The following FEZ1 variants were observed in gnomAD, a reference collection of about 807,000 sequenced individuals.
FEZ1 encodes fasciculation and elongation protein zeta 1.
Under a neutral mutation model 49.3 loss-of-function variants are expected in FEZ1, and 20 were observed. That is an observed-to-expected ratio of 0.41 (90% CI 0.29 to 0.59). FEZ1 has a LOEUF of 0.59. Ranked by LOEUF, FEZ1 falls within the 20% of genes least tolerant of loss-of-function variation. FEZ1 has a pLI of 0.36. For synonymous variants in FEZ1, 170 were observed against 180.9 expected (o/e 0.94, Z 0.48); for missense variants, 413 against 476.0 (o/e 0.87, Z 1.23).
intron 3 of FEZ1, among the ~76,000 whole-genome samples, chr11:125,470,543 C>T (rs2135762347): frequency 6.6e-6 from 1 of 152,340 alleles, no homozygotes; most frequent in East Asian, 1.9e-4. Flanking sequence ...GGACTTATCC[C>T]TCCTACCATA....
intron 1 of FEZ1, among the ~76,000 whole-genome samples, chr11:125,493,523 A>C (rs1027774897): frequency 8.6e-5 from 13 of 150,550 alleles, no homozygotes; most frequent in African/African-American, 2.2e-4. Context: ...AGAAAGAAAG[A>C]AAGAAAGAAA....
chr11:125,457,429 A>AAAATATATATAT (rs1164500309), intron 5 of FEZ1, among the ~76,000 whole-genome samples: 8 of 20,906 alleles, frequency 3.8e-4, no homozygotes, highest in Admixed American at 3.5e-3. Flanking sequence ...AAAAAAAAAA[A>AAAATATATATAT]ATATATATAT....
intron 3 of FEZ1, among the ~76,000 whole-genome samples, chr11:125,476,881 C>T (rs981421568): frequency 6.6e-6 from 1 of 151,886 alleles, no homozygotes; most frequent in African/African-American, 2.4e-5. Context: ...TTCACCAAAA[C>T]AAGGAACTAT....
intron 1 of FEZ1, among the ~76,000 whole-genome samples, chr11:125,493,906 A>G (rs761250662): frequency 6.6e-6 from 1 of 152,240 alleles, no homozygotes; most frequent in African/African-American, 2.4e-5. Flanking sequence ...CAATCCAACC[A>G]GAATCTAGGA....
intron 1 of FEZ1, among the ~76,000 whole-genome samples, chr11:125,493,401 A>AGAAG (rs1957408681): frequency 1.4e-5 from 1 of 69,830 alleles, no homozygotes; most frequent in Non-Finnish European, 2.6e-5. Flanking sequence ...AAAGAAAGAA[A>AGAAG]GAAAGAAAGA....
rs572614254 is a variant in FEZ1 at position 125,455,835 on chromosome 11, C to T, written c.939G>A (p.Lys313=). The change falls in exon 6 of 10, where the codon AAG becomes AAA. Residue 313 remains lysine (K), a splice_region_variant and synonymous_variant. Transcript: ENST00000278919. The part of the protein sequence containing the change: ...RIEKGNQMPL[K]RFSMEGISNI... ...GTCTTCCACCTGGTTGTTCACCTAC[C>T]TTGAGAGGCATCTGGTTTCCCTTCT... 4 of 1,614,000 alleles carry T rather than the reference C, an allele frequency of 2.5e-6. No individual in the cohort carries two copies. Among genetic ancestry groups the T allele is most frequent in the Admixed American group, 3.3e-5 (2 of 60,000 alleles).
intron 7 of FEZ1, 53 bp from the exon 8 acceptor site, chr11:125,452,462 G>T (rs1956966705): frequency 8.2e-7 from 1 of 1,217,636 alleles, no homozygotes; most frequent in Non-Finnish European, 1.2e-6. Flanking sequence ...TGCTTCCTCT[G>T]GGTTGAGATT....
At chr11:125,480,875 T>C (rs1591598348) in intron 3 of FEZ1, among the ~76,000 whole-genome samples, 1 of 151,780 alleles carries the variant, frequency 6.6e-6, no homozygotes, top group South Asian at 2.1e-4. Context: ...ACATCTCTAC[T>C]AAAAATACAA....
rs994938366 is a variant in FEZ1, at chr11:125,493,519, A to C, written c.-46+2602T>G. On this transcript the variant is annotated intron_variant, in intron 1 of 9. Coordinates refer to ENST00000278919, the MANE Select transcript of FEZ1 (RefSeq NM_005103.5). ...GAAAGAAAGAAAGAGAGAAAGAAAG[A>C]AAGAAAGAAAGAAAGAAAGAAAGAA... Among the ~76,000 whole-genome samples, 62 of 149,858 alleles carry C rather than the reference A, an allele frequency of 4.1e-4. 3 individuals carry two copies. The highest frequency in any genetic ancestry group is 1.5e-3 in the African/African-American group (62 of 40,318).
At chr11:125,449,625 G>T (rs1956935361) in intron 8 of FEZ1, among the ~76,000 whole-genome samples, 1 of 151,996 alleles carries the variant, frequency 6.6e-6, no homozygotes, top group Admixed American at 6.5e-5. Context: ...AGACAATAGG[G>T]GATGTTCTTT....
intron 1 of FEZ1, among the ~76,000 whole-genome samples, chr11:125,492,729 T>C (rs1481122187): frequency 6.6e-6 from 1 of 152,172 alleles, no homozygotes; most frequent in Non-Finnish European, 1.5e-5. Flanking sequence ...AGATTACTTT[T>C]TGGACTAAAT....
intron 5 of FEZ1, among the ~76,000 whole-genome samples, chr11:125,457,655 G>T (rs1248511584): frequency 6.6e-6 from 1 of 151,500 alleles, no homozygotes; most frequent in Non-Finnish European, 1.5e-5. Context: ...TGGGTACATA[G>T]GGGGTGTATG....
chr11:125,488,076 G>C (rs1049614891), intron 2 of FEZ1, among the ~76,000 whole-genome samples: 5 of 152,148 alleles, frequency 3.3e-5, no homozygotes, highest in African/African-American at 1.2e-4. Flanking sequence ...GATGCATATT[G>C]TATCTCTGCA....
chr11:125,465,382 G>T (rs1479586822), intron 3 of FEZ1, among the ~76,000 whole-genome samples: 1 of 152,118 alleles, frequency 6.6e-6, no homozygotes, highest in Non-Finnish European at 1.5e-5. Flanking sequence ...CAGGAAGAAG[G>T]CAGGGAGGAA....
chr11:125,493,290 T>C (rs944387345), intron 1 of FEZ1, among the ~76,000 whole-genome samples: 1 of 146,644 alleles, frequency 6.8e-6, no homozygotes, highest in Admixed American at 7.0e-5. Context: ...GCCGAGATCA[T>C]GCCATTGCAC....
chr11:125,482,550 T>G (rs936884780), intron 2 of FEZ1, among the ~76,000 whole-genome samples: 2 of 152,084 alleles, frequency 1.3e-5, no homozygotes, highest in South Asian at 4.1e-4. Context: ...TGGGGAAAAT[T>G]TCAAAGTCAC....
At chr11:125,447,667 C>T (rs1442130038) in intron 9 of FEZ1, among the ~76,000 whole-genome samples, 6 of 151,902 alleles carry the variant, frequency 3.9e-5, no homozygotes, top group African/African-American at 1.5e-4. Context: ...ACTAAAAATA[C>T]AAAAATTAGT....
At chr11:125,460,048 A>T (rs1276284973) in intron 5 of FEZ1, among the ~76,000 whole-genome samples, 1 of 151,894 alleles carries the variant, frequency 6.6e-6, no homozygotes, top group Non-Finnish European at 1.5e-5. Context: ...GTGAGCTAAG[A>T]CCATGCCGCT....
intron 3 of FEZ1, among the ~76,000 whole-genome samples, chr11:125,471,173 T>C (rs1160441946): frequency 6.6e-6 from 1 of 151,680 alleles, no homozygotes; most frequent in African/African-American, 2.4e-5. Flanking sequence ...ACAAAAAGTG[T>C]GGAACAGAGG....
Sources: allele counts gnomAD v4.1 joint callset (sites outside exome capture counted in the v4.1 genomes callset), GRCh38; gene constraint gnomAD v4.1.1; transcripts MANE v1.5; gene names NCBI Gene and HGNC (gene_info 2026-07-23, HGNC 2026-07-21).